Variants in SNX31 observed in about 807,000 individuals in gnomAD.
SNX31 encodes sorting nexin-31.
SNX31 carries 58 observed loss-of-function variants against 65.4 expected under a neutral mutation model. The ratio of observed to expected loss-of-function variants is 0.89; its 90% CI spans 0.72 to 1.10. The LOEUF is 1.10. Among genes scored for constraint, SNX31 ranks in the 50% least tolerant of loss-of-function variants. The probability of loss-of-function intolerance (pLI) is 0.00; values close to 1 mark genes in which losing one functional copy is unlikely to be tolerated. For synonymous variants in SNX31, 181 were observed against 190.1 expected, an observed-to-expected ratio of 0.95 and a Z score of 0.39; for missense variants, 523 against 529.7, an observed-to-expected ratio of 0.99 and a Z score of 0.12.
intron 2 of SNX31, among the ~76,000 whole-genome samples, chr8:100,647,132 T>C (rs1819695744): frequency 6.6e-6 from 1 of 152,184 alleles, no homozygotes; most frequent in Non-Finnish European, 1.5e-5. Flanking sequence ...AAGATCTAAA[T>C]AGTTTCTTTA....
chr8:100,598,751 G>A (rs953707330), intron 9 of SNX31, among the ~76,000 whole-genome samples: 1 of 152,146 alleles, frequency 6.6e-6, no homozygotes, highest in East Asian at 1.9e-4. Context: ...TCAGGGATTG[G>A]TAAACTTTTA....
rs555271860 is a variant in SNX31 at position 100,629,108 on chromosome 8, G to A, written c.321+1219C>T. On this transcript the variant is annotated intron_variant, in intron 4 of 13. Coordinates refer to ENST00000311812, the MANE Select transcript of SNX31 (RefSeq NM_152628.4). This position sits in a 1 kb window ranked among gnomAD's most constrained non-coding sequence, Gnocchi z 5.1. ...CGCCTAATGATGCATTTATCAGAAC[G>A]AATCCACATTTTTAAGTGACACATG... 1.6e-4 allele frequency among the ~76,000 whole-genome samples: 25 copies of A among 152,072 alleles called. No homozygotes were observed. The highest frequency in any genetic ancestry group is 2.9e-4 in the Non-Finnish European group (20 of 67,998).
chr8:100,631,137 A>C (rs567031777), intron 3 of SNX31, among the ~76,000 whole-genome samples: 14 of 152,290 alleles, frequency 9.2e-5, no homozygotes, highest in African/African-American at 3.4e-4. Context: ...ACCAAAAAAA[A>C]GCAATGATAA....
rs1331915188 is a variant in SNX31 at position 100,581,311 on chromosome 8, TTATATATCTATATCTATCTATCTATC to T, written c.1170+2774_1170+2799del. Among the ~76,000 whole-genome samples the T allele has an allele frequency of 3.9e-3, 482 of 122,690 alleles. 19 individuals are homozygous for T. Among genetic ancestry groups the T allele is most frequent in the African/African-American group, 0.022 (467 of 21,458 alleles). The allele number at this position is 122,690 out of a possible 152,430, so 80.5% of individuals were successfully genotyped here. On this transcript the variant is annotated intron_variant, in intron 12 of 13. Coordinates refer to ENST00000311812, the MANE Select transcript of SNX31 (RefSeq NM_152628.4). ...GTGACCCTGTCTTTAAAAAAATTTT[TTATATATCTATATCTATCTATCTATC>T]TATATATATATATATATATAATTTA...
At position 100,627,966 on chromosome 8, in the gene SNX31, G is replaced by A. The variant is rs568210663; in HGVS notation, c.321+2361C>T. 3.7e-3 allele frequency among the ~76,000 whole-genome samples: 562 copies of A among 152,266 alleles called. 6 individuals are homozygous for A. The highest frequency in any genetic ancestry group is 0.013 in the African/African-American group (541 of 41,536). On this transcript the variant is annotated intron_variant, in intron 4 of 13. Transcript: ENST00000311812. ...ACACTTCTCAAAAGAAGACATTTAT[G>A]CAGCCAAAAAACACATGAAAAAATG... is the stretch of plus-strand genomic sequence containing the variant.
chr8:100,622,520 A>G lies in SNX31; in HGVS notation c.322-4790T>C, dbSNP rs967119424. On this transcript the variant is annotated intron_variant, in intron 4 of 13. Coordinates refer to ENST00000311812, the MANE Select transcript of SNX31 (RefSeq NM_152628.4). This position sits in a 1 kb window ranked among gnomAD's most constrained non-coding sequence, Gnocchi z 5.0. ...ACAGAAATTAGCTGGGCGTGGTGGC[A>G]CATGCCTGTAATCTCAGCTACTTGG... 6.6e-6 allele frequency among the ~76,000 whole-genome samples: 1 copy of G among 152,024 alleles called. No homozygotes were observed. Among genetic ancestry groups the G allele is most frequent in the African/African-American group, 2.4e-5 (1 of 41,408 alleles).
At chr8:100,656,688 CTG>C (rs1820058640) in intron 1 of SNX31, among the ~76,000 whole-genome samples, 1 of 131,850 alleles carries the variant, frequency 7.6e-6, no homozygotes, top group Non-Finnish European at 1.6e-5. Context: ...AAAGCACAAA[CTG>C]TATAATTAGC....
At chr8:100,617,345 G>A (rs1423831529) in intron 5 of SNX31, among the ~76,000 whole-genome samples, 1 of 152,122 alleles carries the variant, frequency 6.6e-6, no homozygotes, top group Non-Finnish European at 1.5e-5. Context: ...CACATCCCTG[G>A]CTAAGTTCCA....
intron 8 of SNX31, among the ~76,000 whole-genome samples, chr8:100,602,583 A>C (rs190064289): frequency 6.6e-6 from 1 of 152,336 alleles, no homozygotes; most frequent in Non-Finnish European, 1.5e-5. Flanking sequence ...AATAACTAAT[A>C]AGAAAATAGA....
At chr8:100,603,414 A>G (rs757896934) in intron 8 of SNX31, among the ~76,000 whole-genome samples, 10 of 152,010 alleles carry the variant, frequency 6.6e-5, no homozygotes, top group Non-Finnish European at 1.3e-4. Context: ...AGCAAAGGTA[A>G]TGTAACTGTT....
chr8:100,620,738 T>C (rs1365571688), intron 4 of SNX31, among the ~76,000 whole-genome samples: 2 of 152,184 alleles, frequency 1.3e-5, no homozygotes, highest in Admixed American at 6.5e-5. Context: ...TCATAACAAC[T>C]CCATGAGGCA....
chr8:100,618,220 A>G (rs771278448), intron 4 of SNX31: 418 of 1,431,770 alleles, frequency 2.9e-4, no homozygotes, highest in Non-Finnish European at 3.6e-4. Context: ...AGGCAAGGCA[A>G]AGGAGTAACA....
Position 100,612,133 on chromosome 8 carries a change from C to G in SNX31, c.524-46G>C. 8.0e-7 allele frequency: 1 copy of G among 1,256,440 alleles called. No individual in the cohort carries two copies. Among genetic ancestry groups the G allele is most frequent in the Non-Finnish European group, 1.2e-6 (1 of 858,588 alleles). The allele number at this position is 1,256,440 out of a possible 1,614,324, so 77.8% of individuals were successfully genotyped here. On this transcript the variant is annotated intron_variant, in intron 6 of 13. Transcript: ENST00000311812. The surrounding 1 kb of genome is among the most constrained non-coding windows in gnomAD (Gnocchi z 4.3). ...GTCTTACTGGTTGAAACAGCACAGA[C>G]AGCTTATATATAGCAGCTTTCAAAT...
At chr8:100,656,872 T>A (rs1315703849) in intron 1 of SNX31, among the ~76,000 whole-genome samples, 1 of 152,142 alleles carries the variant, frequency 6.6e-6, no homozygotes, top group Admixed American at 6.5e-5. Flanking sequence ...CCTCTCTTCA[T>A]GTGTAATGGT....
Position 100,625,821 on chromosome 8 carries a change from C to G in SNX31, c.321+4506G>C, listed in dbSNP as rs1052492619. 6.6e-6 allele frequency among the ~76,000 whole-genome samples: 1 copy of G among 152,170 alleles called. No individual in the cohort carries two copies. The highest frequency in any genetic ancestry group is 1.9e-4 in the East Asian group (1 of 5,182). On this transcript the variant is annotated intron_variant, in intron 4 of 13. Transcript: ENST00000311812. The surrounding 1 kb of genome is among the most constrained non-coding windows in gnomAD (Gnocchi z 4.2). ...TACTCCGGGCCCCACTGGACACCAC[C>G]TAGTGGCAGGGGATGCTGAAGAGAT... is the stretch of plus-strand genomic sequence containing the variant.
intron 1 of SNX31, among the ~76,000 whole-genome samples, chr8:100,662,777 T>C (rs577457030): frequency 2.4e-4 from 36 of 152,308 alleles, no homozygotes; most frequent in Middle Eastern, 3.4e-3. Context: ...CCCTCTACAA[T>C]ATCAATTTCA....
intron 1 of SNX31, among the ~76,000 whole-genome samples, chr8:100,658,048 G>A (rs1046273658): frequency 1.3e-5 from 2 of 152,116 alleles, no homozygotes; most frequent in African/African-American, 4.8e-5. Context: ...GGAATCATCT[G>A]GGAAGCTTTA....
chr8:100,596,809 C>T lies in SNX31; in HGVS notation c.808G>A (p.Gly270Arg). 5.6e-6 allele frequency: 9 copies of T among 1,613,424 alleles called. No individual in the cohort carries two copies. Among genetic ancestry groups the T allele is most frequent in the Non-Finnish European group, 7.6e-6 (9 of 1,180,024 alleles). The stretch of plus-strand genomic sequence containing the variant: ...GTACAAGGATCCAGCTGCAGGTATC[C>T]ATAGTGCCGTACCTCCCGGGCCAGC... ...LELAREVRHY[G>R]YLQLDPCTCD... The change falls in exon 10 of 14, where the codon GGA becomes AGA. Residue 270 changes from glycine to arginine, a missense_variant. Coordinates refer to ENST00000311812, the MANE Select transcript of SNX31 (RefSeq NM_152628.4).
At chr8:100,638,379 T>C (rs1818924082) in intron 2 of SNX31, among the ~76,000 whole-genome samples, 1 of 152,260 alleles carries the variant, frequency 6.6e-6, no homozygotes, top group Admixed American at 6.5e-5. Flanking sequence ...AAATGCTTAA[T>C]AGCCACTTGA....
Sources: gnomAD v4.1 joint callset for allele counts (sites outside exome capture counted in the v4.1 genomes callset) on GRCh38, gnomAD v4.1.1 for gene constraint, Gnocchi (gnomAD v3.1) non-coding constraint, MANE v1.5 for transcripts, NCBI Gene and HGNC (gene_info 2026-07-23, HGNC 2026-07-21) for gene names.